The following C9orf43 variants were observed in gnomAD, a reference collection of about 807,000 sequenced individuals.
C9orf43 encodes the protein uncharacterized protein C9orf43.
Under a neutral mutation model 59.1 loss-of-function variants are expected in C9orf43, and 45 were observed. That is an observed-to-expected ratio of 0.76 (90% confidence interval 0.60 to 0.98). The LOEUF (loss-of-function observed/expected upper bound fraction) is 0.98. C9orf43 is among the 50% of genes least tolerant of loss of function. C9orf43 has a pLI of 0.00. For synonymous variants in C9orf43, 203 were observed against 196.8 expected (o/e 1.03, Z -0.26); for missense variants, 533 against 554.9 (o/e 0.96, Z 0.40).
At chr9:113,428,321 T>G in intron 12 of C9orf43, 98 bp downstream of exon 12, 2 of 1,163,482 alleles carry the variant, frequency 1.7e-6, no homozygotes, top group Non-Finnish European at 2.6e-6. Flanking sequence ...CTATTGCTAA[T>G]GATTCTGTGG....
chr9:113,414,386 C>A (rs1438815006), intron 3 of C9orf43, among the ~76,000 whole-genome samples: 1 of 152,126 alleles, frequency 6.6e-6, no homozygotes, highest in East Asian at 1.9e-4. Context: ...GCGATCCTCC[C>A]ACCTCAGCCT....
At chr9:113,412,308 A>G (rs940089081) in intron 1 of C9orf43, among the ~76,000 whole-genome samples, 7 of 152,188 alleles carry the variant, frequency 4.6e-5, no homozygotes, top group East Asian at 1.9e-4. Context: ...AATTGATTCA[A>G]ATTTAAAATT....
chr9:113,423,554 G>T (rs1028270463), intron 7 of C9orf43, 56 bp downstream of exon 7: 2 of 1,546,286 alleles, frequency 1.3e-6, no homozygotes, highest in Non-Finnish European at 1.8e-6. Flanking sequence ...TACTGAAGCT[G>T]GGATGGGTCT....
chr9:113,425,516 T>C, intron 10 of C9orf43, 96 bp downstream of exon 10: 2 of 1,496,290 alleles, frequency 1.3e-6, no homozygotes, highest in Non-Finnish European at 1.8e-6. Flanking sequence ...TTGTTTTCTA[T>C]CTGGTTATAG....
intron 3 of C9orf43, among the ~76,000 whole-genome samples, chr9:113,416,682 GT>G (rs956009814): frequency 1.0e-3 from 147 of 146,150 alleles, no homozygotes; most frequent in East Asian, 3.0e-3. Flanking sequence ...TCTTAACTAG[GT>G]TTTTTTTTTT....
chr9:113,425,270 G>A (rs948003032), intron 9 of C9orf43, 74 bp from the exon 10 acceptor site: 1 of 1,598,888 alleles, frequency 6.3e-7, no homozygotes, highest in Non-Finnish European at 8.5e-7. Flanking sequence ...CATTGTGAAG[G>A]AAGGCACAGC....
intron 6 of C9orf43, 134 bp from the exon 7 acceptor site, chr9:113,423,192 G>A (rs1026427352): frequency 4.6e-5 from 32 of 697,068 alleles, no homozygotes; most frequent in Non-Finnish European, 6.9e-5. Flanking sequence ...AACATGTGGC[G>A]GCCCTCATCG....
intron 4 of C9orf43, chr9:113,420,785 G>A: frequency 1.0e-6 from 1 of 985,362 alleles, no homozygotes; most frequent in Non-Finnish European, 1.2e-6. Context: ...AGTGGAGTGG[G>A]CAGGATAAGT....
chr9:113,413,698 T>G (rs995677110), intron 2 of C9orf43, 54 bp downstream of exon 2: 7 of 1,611,602 alleles, frequency 4.3e-6, no homozygotes, highest in African/African-American at 1.3e-5. Flanking sequence ...CGTATTTATG[T>G]ATGTGGCTCC....
chr9:113,425,075 A>G lies in C9orf43; in HGVS notation c.864A>G (p.Glu288=), dbSNP rs760941483. The change falls in exon 9 of 14, where the codon GAA becomes GAG. Residue 288 remains glutamate, a splice_region_variant and synonymous_variant. Coordinates refer to ENST00000374165, the MANE Select transcript of C9orf43 (RefSeq NM_001278629.2). ...RLKKLHNLKT[E]GYRKQQQRQQ... ...AGAAATTACATAACCTGAAGACAGAAGGTAGATTTGCTGTTGCTGCTGGAT... is the reference window on the plus strand; with the variant it reads ...AGAAATTACATAACCTGAAGACAGAGGGTAGATTTGCTGTTGCTGCTGGAT... 105 of 1,613,238 alleles carry G rather than the reference A, an allele frequency of 6.5e-5. No individual in the cohort carries two copies. In the Admixed American group the frequency reaches 1.2e-3, roughly 18 times the overall value.
intron 1 of C9orf43, 155 bp downstream of exon 1, chr9:113,411,156 A>G: frequency 1.0e-6 from 1 of 968,666 alleles, no homozygotes; most frequent in Non-Finnish European, 1.2e-6. Context: ...AAGGGCGAGA[A>G]GCAGCCTTTT....
intron 12 of C9orf43, among the ~76,000 whole-genome samples, chr9:113,428,667 T>C (rs186899301): frequency 1.1e-4 from 17 of 152,244 alleles, no homozygotes; most frequent in Admixed American, 1.1e-3. Flanking sequence ...GAAGCCATCT[T>C]TGGAGGCCGT....
Position 113,429,374 on chromosome 9 carries a change from TG to T in C9orf43, c.1378del (p.Ala460GlnfsTer9). ...DDEDEEDQSS[G>X]AE is the part of the protein sequence containing the mutation. The stretch of plus-strand genomic sequence containing the variant: ...ATGAGGATGAGGAGGACCAGTCCTC[TG>T]GGGCAGAGTGAGAAGCCTCTGGAGG... On this transcript the variant is annotated frameshift_variant, in exon 14 of 14. Transcript: ENST00000374165. LOFTEE classifies it high-confidence loss of function. The T allele has an allele frequency of 6.2e-7, 1 of 1,613,734 alleles. No individual in the cohort carries two copies. The highest frequency in any genetic ancestry group is 8.5e-7 in the Non-Finnish European group (1 of 1,179,768).
In C9orf43 at chr9:113,421,782, T is replaced by A. The variant is rs371526672; in HGVS notation, c.446+579T>A. ...ACTTAAGAATTTCTTTTTATTTCTT[T>A]TGTTTTTCTTTTTAAAAAATAATCC... On this transcript the variant is annotated intron_variant, in intron 5 of 13. Transcript: ENST00000374165. Among the ~76,000 whole-genome samples, 88 of 152,352 alleles carry A rather than the reference T, an allele frequency of 5.8e-4. 3 individuals are homozygous for A. The South Asian group carries it at 0.011, about 18-fold the overall frequency.
In C9orf43 at chr9:113,424,224, A is replaced by C. The variant is rs1315677385; in HGVS notation, c.715A>C (p.Met239Leu). The C allele has an allele frequency of 6.2e-7, 1 of 1,614,104 alleles. No homozygotes were observed. The highest frequency in any genetic ancestry group is 1.7e-5 in the Admixed American group (1 of 60,010). Reference protein sequence around the residue: ...LCPEMKIKLAMMKKNLPLEKN... With the variant: ...LCPEMKIKLALMKKNLPLEKN... ...TCCAGAGATGAAGATAAAATTGGCCATGATGAAAAAGAATCTTCCCTTGGA... is the reference window on the plus strand; with the variant it reads ...TCCAGAGATGAAGATAAAATTGGCCCTGATGAAAAAGAATCTTCCCTTGGA... Residue 239 changes from methionine (M) to leucine (L), a missense_variant, in exon 8 of 14, where the codon ATG becomes CTG. Met to Leu is a conservative substitution (Grantham distance 15). Coordinates refer to ENST00000374165, the MANE Select transcript of C9orf43 (RefSeq NM_001278629.2).
chr9:113,413,581 C>T lies in C9orf43; in HGVS notation c.88C>T (p.Arg30Cys), dbSNP rs756627091. 151 of 1,614,098 alleles carry T rather than the reference C, an allele frequency of 9.4e-5. No homozygotes were observed. Among genetic ancestry groups the T allele is most frequent in the Non-Finnish European group, 1.2e-4 (139 of 1,180,046 alleles). ...QHPQCWATIR[R>C]IERGHPRILG... is the part of the protein sequence containing the mutation. ...CCCACAATGCTGGGCAACTATCCGCCGCATTGAGAGGGGCCATCCTCGAAT... is the reference window on the plus strand; with the variant it reads ...CCCACAATGCTGGGCAACTATCCGCTGCATTGAGAGGGGCCATCCTCGAAT... Residue 30 changes from arginine (R) to cysteine (C), a missense_variant, in exon 2 of 14, where the codon CGC becomes TGC. By Grantham distance (180) the Arg-to-Cys change is radical (BLOSUM62 -3). Coordinates refer to ENST00000374165, the MANE Select transcript of C9orf43 (RefSeq NM_001278629.2).
In C9orf43 at chr9:113,428,885, C is replaced by T; in HGVS notation, c.1108-15C>T. 6.2e-7 allele frequency: 1 copy of T among 1,605,852 alleles called. No individual in the cohort carries two copies. The highest frequency in any genetic ancestry group is 1.3e-5 in the African/African-American group (1 of 74,856). On this transcript the variant is annotated splice_polypyrimidine_tract_variant and intron_variant, in intron 12 of 13. Transcript: ENST00000374165. ...AGTCTTGATTCAAATTTCCTTATAC[C>T]CCAATGAATTTCAGGATTCCACGGA...
chr9:113,412,960 A>G (rs1485503087), intron 1 of C9orf43, among the ~76,000 whole-genome samples: 1 of 152,262 alleles, frequency 6.6e-6, no homozygotes, highest in Non-Finnish European at 1.5e-5. Flanking sequence ...CATGTCTTCC[A>G]GAAGTTTGGG....
chr9:113,421,829 A>G (rs1271139228), intron 5 of C9orf43, among the ~76,000 whole-genome samples: 11 of 151,988 alleles, frequency 7.2e-5, no homozygotes. Context: ...CTCTCTATAT[A>G]TATGCATTTG....
Sources: gnomAD v4.1 joint callset for allele counts (sites outside exome capture counted in the v4.1 genomes callset) on GRCh38, gnomAD v4.1.1 for gene constraint, MANE v1.5 for transcripts, NCBI Gene and HGNC (gene_info 2026-07-23, HGNC 2026-07-21) for gene names.